Variants in MRPS35 observed in about 807,000 individuals in gnomAD.
The protein encoded by MRPS35 is small ribosomal subunit protein mS35.
In MRPS35, 29 loss-of-function variants were observed where a neutral mutation model predicts 32.7. The ratio of observed to expected loss-of-function variants is 0.89; its 90% CI spans 0.66 to 1.21. The LOEUF is 1.21. Ranked by LOEUF, MRPS35 falls within the 50% of genes most tolerant of loss-of-function variation. The pLI, the probability that MRPS35 is intolerant of heterozygous loss-of-function variation, is 0.00. For synonymous variants in MRPS35, 148 were observed against 139.3 expected (o/e 1.06, Z -0.44); for missense variants, 373 against 383.8 (o/e 0.97, Z 0.23).
chr12:27,721,058 A>T (rs2061872208), intron 4 of MRPS35, among the ~76,000 whole-genome samples: 1 of 152,230 alleles, frequency 6.6e-6, no homozygotes, highest in South Asian at 2.1e-4. Context: ...AGGAAAGAAT[A>T]TGAAACCTAG....
chr12:27,751,853 G>A (rs1404948974), intron 7 of MRPS35, among the ~76,000 whole-genome samples: 1 of 152,226 alleles, frequency 6.6e-6, no homozygotes, highest in African/African-American at 2.4e-5. Flanking sequence ...GTGGGGGTGT[G>A]CGCCTGCACG....
intron 3 of MRPS35, 57 bp from the exon 4 acceptor site, chr12:27,719,751 C>A: frequency 9.4e-7 from 1 of 1,064,554 alleles, no homozygotes; most frequent in Non-Finnish European, 1.4e-6. Flanking sequence ...AGAAGATTAT[C>A]TTTTTCATGT....
At chr12:27,733,062 A>C (rs1451556165) in intron 5 of MRPS35, among the ~76,000 whole-genome samples, 2 of 144,868 alleles carry the variant, frequency 1.4e-5, no homozygotes, top group African/African-American at 2.6e-5. Flanking sequence ...CTGTGATTTG[A>C]AATATCAGTG....
At chr12:27,734,914 A>G (rs1266615290) in intron 5 of MRPS35, among the ~76,000 whole-genome samples, 1 of 152,190 alleles carries the variant, frequency 6.6e-6, no homozygotes, top group East Asian at 1.9e-4. Flanking sequence ...GAGCTAAATG[A>G]ATTTTTCAAT....
intron 4 of MRPS35, 30 bp downstream of exon 4, chr12:27,719,898 A>G (rs537091927): frequency 2.8e-6 from 4 of 1,448,776 alleles, no homozygotes; most frequent in Admixed American, 3.5e-5. Context: ...TATGAATTTT[A>G]TATTGACTTT....
chr12:27,712,277 G>A (rs1246258827), intron 1 of MRPS35, among the ~76,000 whole-genome samples: 1 of 152,172 alleles, frequency 6.6e-6, no homozygotes, highest in Non-Finnish European at 1.5e-5. Flanking sequence ...TGTGAGTAGA[G>A]GAGAGAGTGG....
At chr12:27,719,353 G>A (rs1003694592) in intron 3 of MRPS35, among the ~76,000 whole-genome samples, 61 of 152,090 alleles carry the variant, frequency 4.0e-4, no homozygotes, top group Non-Finnish European at 7.2e-4. Context: ...GACAACATCC[G>A]TGACAGAAAA....
chr12:27,744,131 A>G (rs934958127), intron 7 of MRPS35, among the ~76,000 whole-genome samples: 1 of 152,160 alleles, frequency 6.6e-6, no homozygotes, highest in Non-Finnish European at 1.5e-5. Flanking sequence ...TTTAATTTCT[A>G]TGCTGGTCAC....
At chr12:27,731,882 T>G (rs2061923485) in intron 5 of MRPS35, among the ~76,000 whole-genome samples, 1 of 152,226 alleles carries the variant, frequency 6.6e-6, no homozygotes, top group African/African-American at 2.4e-5. Flanking sequence ...GCCATCTTTA[T>G]GAAGTGAATT....
chr12:27,755,022 A>C (rs1441074707), intron 7 of MRPS35, among the ~76,000 whole-genome samples, 159 bp from the exon 8 acceptor site: 1 of 152,058 alleles, frequency 6.6e-6, no homozygotes, highest in Non-Finnish European at 1.5e-5. Flanking sequence ...GCCAAAGTGC[A>C]CAGACAAGGT....
Position 27,716,376 on chromosome 12 carries a change from C to T in MRPS35, c.239C>T (p.Ala80Val), listed in dbSNP as rs748398462. 2 of 1,614,186 alleles carry T rather than the reference C, an allele frequency of 1.2e-6. No homozygotes were observed. The highest frequency in any genetic ancestry group is 2.7e-5 in the African/African-American group (2 of 75,048). Residue 80 changes from alanine to valine, a missense_variant, in exon 3 of 8, where the codon GCA becomes GTA. By Grantham distance (64) the Ala-to-Val change is moderately conservative (BLOSUM62 0). Coordinates refer to ENST00000081029, the MANE Select transcript of MRPS35 (RefSeq NM_021821.4). ...GTTGCAGCACCATTTAAACCCTCTGCAGTACCTCTTCCTGTTCGAATGGGT... is the reference window on the plus strand; with the variant it reads ...GTTGCAGCACCATTTAAACCCTCTGTAGTACCTCTTCCTGTTCGAATGGGT... Reference protein sequence around the residue: ...YPVAAPFKPSAVPLPVRMGYP... With the variant: ...YPVAAPFKPSVVPLPVRMGYP...
intron 7 of MRPS35, among the ~76,000 whole-genome samples, chr12:27,751,630 G>A (rs867844473): frequency 9.9e-5 from 15 of 152,252 alleles, no homozygotes; most frequent in Middle Eastern, 3.4e-3. Context: ...ATCTGGGCAT[G>A]TGCAAGCCGA....
intron 5 of MRPS35, among the ~76,000 whole-genome samples, chr12:27,733,106 G>A (rs1013573776): frequency 1.4e-5 from 2 of 140,020 alleles, no homozygotes; most frequent in African/African-American, 2.7e-5. Context: ...GTATTATATC[G>A]ATTCTTTGAA....
chr12:27,742,257 A>G (rs368487270), intron 7 of MRPS35, among the ~76,000 whole-genome samples: 24 of 152,214 alleles, frequency 1.6e-4, no homozygotes, highest in African/African-American at 4.1e-4. Context: ...GTGTATGCCT[A>G]CACACCTGCA....
At chr12:27,752,201 A>G (rs2062007400) in intron 7 of MRPS35, among the ~76,000 whole-genome samples, 1 of 152,162 alleles carries the variant, frequency 6.6e-6, no homozygotes, top group Non-Finnish European at 1.5e-5. Flanking sequence ...GCGGTAGGTA[A>G]GCTTTGATCA....
At chr12:27,714,494 G>A (rs1441761711) in intron 1 of MRPS35, among the ~76,000 whole-genome samples, 2 of 151,934 alleles carry the variant, frequency 1.3e-5, no homozygotes, top group Admixed American at 6.6e-5. Context: ...GCTGAGGCAG[G>A]AGAATCACTT....
chr12:27,722,358 A>G (rs895914283), intron 4 of MRPS35, among the ~76,000 whole-genome samples: 5 of 152,238 alleles, frequency 3.3e-5, no homozygotes, highest in Non-Finnish European at 7.3e-5. Flanking sequence ...AAGGTCTTCC[A>G]AAGTCTCATC....
chr12:27,754,263 A>G (rs1362184623), intron 7 of MRPS35, among the ~76,000 whole-genome samples: 2 of 151,926 alleles, frequency 1.3e-5, no homozygotes, highest in Admixed American at 1.3e-4. Context: ...TGGCGGGGGA[A>G]AAAAGAAAAT....
rs1209599238 is a variant in MRPS35 at position 27,717,229 on chromosome 12, T to C, written c.321+771T>C. 2.0e-5 allele frequency among the ~76,000 whole-genome samples: 3 copies of C among 152,234 alleles called. No homozygotes were observed. In the East Asian group the frequency reaches 5.8e-4, roughly 29 times the overall value. ...ATCTTTCCAGTGGAATTAAGAAAAA[T>C]GAAATAACCTAATTTGAGATTAAGA... On this transcript the variant is annotated intron_variant, in intron 3 of 7. Transcript: ENST00000081029.
Sources: gnomAD v4.1 joint callset for allele counts (sites outside exome capture counted in the v4.1 genomes callset) on GRCh38, gnomAD v4.1.1 for gene constraint, MANE v1.5 for transcripts, NCBI Gene and HGNC (gene_info 2026-07-23, HGNC 2026-07-21) for gene names.